The following TENM3 variants were observed in gnomAD, a reference collection of about 807,000 sequenced individuals.
The protein encoded by TENM3 is teneurin transmembrane protein 3.
A neutral mutation model predicts 255.1 loss-of-function variants in TENM3; 63 were observed. The observed-to-expected ratio is 0.25, with a 90% CI of 0.20 to 0.30. The LOEUF is 0.30. TENM3 is among the 10% of genes least tolerant of loss of function. TENM3 has a pLI of 1.00. For missense variants in TENM3, 2,929 were observed against 3,461.1 expected (o/e 0.85, Z 3.86); for synonymous variants, 1,306 against 1,322.3 (o/e 0.99, Z 0.27).
chr4:181,580,346 G>C, the TENM3 span, among the ~76,000 whole-genome samples: 2,578 of 152,114 alleles, frequency 0.017, 67 homozygotes, highest in African/African-American at 0.059. Context: ...GGCTTCCCCC[G>C]ACTGAGAGGC....
intron 3 of TENM3, among the ~76,000 whole-genome samples, chr4:182,456,980 C>A (rs1773927416): frequency 6.6e-6 from 1 of 152,038 alleles, no homozygotes; most frequent in South Asian, 2.1e-4. Flanking sequence ...GTCAGGAGTT[C>A]AAGACCAGCC....
intron 3 of TENM3, among the ~76,000 whole-genome samples, chr4:182,537,237 T>G (rs1210795839): frequency 6.6e-6 from 1 of 152,126 alleles, no homozygotes; most frequent in African/African-American, 2.4e-5. Flanking sequence ...ATCAGTGTCA[T>G]TGGTGGTTTC....
chr4:182,206,250 A>G (rs1220740239), intron 1 of TENM3, among the ~76,000 whole-genome samples: 1 of 152,116 alleles, frequency 6.6e-6, no homozygotes, highest in African/African-American at 2.4e-5. Flanking sequence ...TGCCCAGGCT[A>G]TTGAGGACCA....
chr4:181,974,644 A>G, the TENM3 span, among the ~76,000 whole-genome samples: 2 of 152,170 alleles, frequency 1.3e-5, no homozygotes, highest in Non-Finnish European at 2.9e-5. Flanking sequence ...GGTCAGTGGA[A>G]TAACGGGTTC....
intron 3 of TENM3, among the ~76,000 whole-genome samples, chr4:182,554,513 G>A (rs1188237185): frequency 6.6e-6 from 1 of 152,086 alleles, no homozygotes; most frequent in Non-Finnish European, 1.5e-5. Context: ...TTTATTGGGT[G>A]CCTACTTTGA....
At chr4:182,319,034 CTGGGAT>C (rs1762900454) in intron 1 of TENM3, among the ~76,000 whole-genome samples, 1 of 152,214 alleles carries the variant, frequency 6.6e-6, no homozygotes, top group Non-Finnish European at 1.5e-5. Flanking sequence ...TCCCAAAGTG[CTGGGAT>C]TACAGGCATG....
At chr4:182,675,981 G>A (rs1205345152) in intron 7 of TENM3, among the ~76,000 whole-genome samples, 1 of 152,044 alleles carries the variant, frequency 6.6e-6, no homozygotes. Context: ...TAAGCTTCAC[G>A]GTTATTATAG....
chr4:182,557,134 T>C (rs1742660949), intron 3 of TENM3, among the ~76,000 whole-genome samples: 1 of 152,216 alleles, frequency 6.6e-6, no homozygotes, highest in African/African-American at 2.4e-5. Flanking sequence ...AATTATAAAA[T>C]CTCATGTAAA....
chr4:182,718,391 C>T (rs1038055317), intron 13 of TENM3, among the ~76,000 whole-genome samples: 3 of 152,156 alleles, frequency 2.0e-5, no homozygotes, highest in African/African-American at 7.2e-5. Context: ...AAAGAACACA[C>T]ACCTTTCTTC....
chr4:182,228,170 G>A (rs1756307726), intron 1 of TENM3, among the ~76,000 whole-genome samples: 1 of 151,834 alleles, frequency 6.6e-6, no homozygotes, highest in African/African-American at 2.4e-5. Context: ...GCAATCCGAG[G>A]ACCACAGTTA....
the TENM3 span, among the ~76,000 whole-genome samples, chr4:181,798,155 A>C: frequency 6.6e-6 from 1 of 151,990 alleles, no homozygotes; most frequent in Non-Finnish European, 1.5e-5. Flanking sequence ...TCAAACTCAT[A>C]GAATTTACAC....
Position 182,792,126 on chromosome 4 carries a change from C to A in TENM3, c.5602-148C>A. 1 of 775,190 alleles carries A rather than the reference C, an allele frequency of 1.3e-6. No individual in the cohort carries two copies. The highest frequency in any genetic ancestry group is 2.0e-6 in the Non-Finnish European group (1 of 490,664). The allele number at this position is 775,190 out of a possible 1,614,324, so 48.0% of individuals were successfully genotyped here. A position where few individuals can be genotyped will look rare whatever the true frequency, so the allele number is the denominator to read the frequency against. On this transcript the variant is annotated intron_variant, in intron 25 of 27. Transcript: ENST00000511685. The surrounding 1 kb of genome is among the most constrained non-coding windows in gnomAD (Gnocchi z 6.3). ...CATCCAAGCAAATTAGGCAGAGAAA[C>A]GTTAACAACACGCAAGGTCAAGGAT...
At chr4:182,216,197 C>T (rs962493014) in intron 1 of TENM3, among the ~76,000 whole-genome samples, 1 of 152,204 alleles carries the variant, frequency 6.6e-6, no homozygotes, top group African/African-American at 2.4e-5. Flanking sequence ...GTGTGGTTTC[C>T]AGCTAGGTCA....
At chr4:182,071,567 TC>T in the TENM3 span, among the ~76,000 whole-genome samples, 1 of 151,714 alleles carries the variant, frequency 6.6e-6, no homozygotes, top group African/African-American at 2.4e-5. Context: ...TGCCTCAGCC[TC>T]CCAAGCAGCT....
At chr4:182,067,088 C>T in the TENM3 span, among the ~76,000 whole-genome samples, 16 of 152,124 alleles carry the variant, frequency 1.1e-4, no homozygotes, top group African/African-American at 3.6e-4. Flanking sequence ...TTCTGTCTTT[C>T]CCCCTCTATC....
the TENM3 span, among the ~76,000 whole-genome samples, chr4:181,545,112 T>C: frequency 2.0e-5 from 3 of 152,188 alleles, 1 homozygote; most frequent in South Asian, 6.2e-4. Flanking sequence ...TTCAGATACA[T>C]TGAATGATTT....
At chr4:181,572,080 T>C in the TENM3 span, among the ~76,000 whole-genome samples, 2 of 152,322 alleles carry the variant, frequency 1.3e-5, no homozygotes, top group East Asian at 3.9e-4. Context: ...AACGATAGAT[T>C]AACCACTGTT....
At chr4:182,771,576 A>C (rs757370405) in intron 22 of TENM3, among the ~76,000 whole-genome samples, 2 of 152,138 alleles carry the variant, frequency 1.3e-5, no homozygotes, top group Non-Finnish European at 2.9e-5. Context: ...TTTTAACCCG[A>C]TAGCACGTTC....
At chr4:181,564,994 C>T in the TENM3 span, among the ~76,000 whole-genome samples, 2 of 152,064 alleles carry the variant, frequency 1.3e-5, no homozygotes, top group Non-Finnish European at 2.9e-5. Context: ...TCCTTTTATC[C>T]GAGGACCTCC....
Sources: gnomAD v4.1 joint callset for allele counts (sites outside exome capture counted in the v4.1 genomes callset) on GRCh38, gnomAD v4.1.1 for gene constraint, Gnocchi (gnomAD v3.1) non-coding constraint, MANE v1.5 for transcripts, NCBI Gene and HGNC (gene_info 2026-07-23, HGNC 2026-07-21) for gene names.